Variants in GNG12 observed in about 807,000 individuals in gnomAD.
GNG12 encodes the protein G protein subunit gamma 12, also known as guanine nucleotide-binding protein G(I)/G(S)/G(O) subunit gamma-12.
For synonymous variants in GNG12, 28 were observed against 29.7 expected, an observed-to-expected ratio of 0.94 and a Z score of 0.19; for missense variants, 69 against 83.8, an observed-to-expected ratio of 0.82 and a Z score of 0.69.
intron 1 of GNG12, among the ~76,000 whole-genome samples, chr1:67,783,908 C>A (rs1046259430): frequency 6.0e-5 from 9 of 149,678 alleles, no homozygotes; most frequent in Admixed American, 6.0e-4. Context: ...GTCAGTGTGG[C>A]GATTCCTCAG....
intron 2 of GNG12, among the ~76,000 whole-genome samples, chr1:67,725,515 A>G (rs536312233): frequency 4.6e-5 from 7 of 152,314 alleles, no homozygotes; most frequent in African/African-American, 1.4e-4. Flanking sequence ...CTAAATGTTT[A>G]TATATTTTCA....
chr1:67,783,959 T>C (rs963071593), intron 1 of GNG12, among the ~76,000 whole-genome samples: 3 of 150,782 alleles, frequency 2.0e-5, no homozygotes, highest in African/African-American at 7.3e-5. Flanking sequence ...AGCCATCCCA[T>C]TACTGGGTAT....
rs535969984 is a variant in GNG12 at position 67,726,095 on chromosome 1, C to T, written c.-26-18383G>A. Among the ~76,000 whole-genome samples, 9 of 152,312 alleles carry T rather than the reference C, an allele frequency of 5.9e-5. No individual in the cohort carries two copies. The East Asian group carries it at 7.7e-4, about 13-fold the overall frequency. Reference sequence around the variant, plus strand: ...TGTAATCCCCCTAAAAGAACTTCCACGGCTAATTTCAGCCTCAGGTTTCTT... The same window carrying T: ...TGTAATCCCCCTAAAAGAACTTCCATGGCTAATTTCAGCCTCAGGTTTCTT... On this transcript the variant is annotated intron_variant, in intron 2 of 3. Transcript: ENST00000370982.
chr1:67,701,701 A>C lies in GNG12; in HGVS notation c.*3750T>G, dbSNP rs1193617069. 6.5e-6 allele frequency: 1 copy of C among 152,684 alleles called. No individual in the cohort carries two copies. The highest frequency in any genetic ancestry group is 1.5e-5 in the Non-Finnish European group (1 of 68,048). The allele number at this position is 152,684 out of a possible 1,614,324, so 9.5% of individuals were successfully genotyped here. ...CAGATGCGTAGCCAAAGAATATTACATAACAACAAAATCTCATCAATGATA... is the reference window on the plus strand; with the variant it reads ...CAGATGCGTAGCCAAAGAATATTACCTAACAACAAAATCTCATCAATGATA... On this transcript the variant is annotated 3_prime_UTR_variant, in exon 4 of 4. Coordinates refer to ENST00000370982, the MANE Select transcript of GNG12 (RefSeq NM_018841.6).
intron 2 of GNG12, among the ~76,000 whole-genome samples, chr1:67,767,475 C>A (rs1209867526): frequency 6.6e-6 from 1 of 152,212 alleles, no homozygotes. Context: ...TCTCAGTAAC[C>A]AGTTTGGGTC....
chr1:67,754,328 T>G (rs1437625633), intron 2 of GNG12, among the ~76,000 whole-genome samples: 1 of 152,082 alleles, frequency 6.6e-6, no homozygotes, highest in African/African-American at 2.4e-5. Context: ...CTCCGCCTAT[T>G]GTTGTGGTCT....
At chr1:67,734,994 C>T (rs1646444102) in intron 2 of GNG12, among the ~76,000 whole-genome samples, 2 of 152,120 alleles carry the variant, frequency 1.3e-5, no homozygotes, top group Admixed American at 6.5e-5. Flanking sequence ...GCTGGGATTA[C>T]AGGCATGCAT....
chr1:67,738,778 TG>T (rs1298041469), intron 2 of GNG12, among the ~76,000 whole-genome samples: 2 of 152,208 alleles, frequency 1.3e-5, no homozygotes, highest in African/African-American at 4.8e-5. Context: ...CTCCTGAAGC[TG>T]GGGGCATGAG....
At chr1:67,745,474 C>T (rs1404578645) in intron 2 of GNG12, among the ~76,000 whole-genome samples, 1 of 152,142 alleles carries the variant, frequency 6.6e-6, no homozygotes, top group Non-Finnish European at 1.5e-5. Flanking sequence ...AGGAAAGTGC[C>T]CAGAAATGGC....
intron 1 of GNG12, among the ~76,000 whole-genome samples, chr1:67,797,988 A>G (rs1302136951): frequency 6.6e-6 from 1 of 152,148 alleles, no homozygotes; most frequent in African/African-American, 2.4e-5. Context: ...CATCCTACTA[A>G]TTAAACTAGC....
intron 1 of GNG12, among the ~76,000 whole-genome samples, chr1:67,828,997 G>A (rs754673652): frequency 1.1e-4 from 17 of 152,038 alleles, no homozygotes; most frequent in African/African-American, 3.4e-4. Context: ...TAACTATTAC[G>A]CAAATTTTTT....
intron 1 of GNG12, among the ~76,000 whole-genome samples, chr1:67,787,216 T>C (rs968118192): frequency 4.0e-5 from 6 of 151,764 alleles, no homozygotes; most frequent in African/African-American, 1.5e-4. Context: ...GGAATGATCA[T>C]AGAAGGCTTC....
chr1:67,785,447 CT>C (rs1244004877), intron 1 of GNG12, among the ~76,000 whole-genome samples: 2 of 152,054 alleles, frequency 1.3e-5, no homozygotes, highest in African/African-American at 4.8e-5. Context: ...TTTCTACAAC[CT>C]TTTCTACCTC....
At chr1:67,810,943 TA>T (rs1646921612) in intron 1 of GNG12, among the ~76,000 whole-genome samples, 1 of 152,232 alleles carries the variant, frequency 6.6e-6, no homozygotes, top group Non-Finnish European at 1.5e-5. Flanking sequence ...TAGTTAGTGT[TA>T]ACATTTCTGT....
At chr1:67,731,567 A>G (rs17130228) in intron 2 of GNG12, among the ~76,000 whole-genome samples, 15,325 of 152,248 alleles carry the variant, frequency 0.1, 882 homozygotes, top group African/African-American at 0.16. Flanking sequence ...TGTGAAAGCC[A>G]TGAGCATGTG....
chr1:67,718,550 A>T (rs776943136), intron 2 of GNG12, among the ~76,000 whole-genome samples: 2 of 151,992 alleles, frequency 1.3e-5, no homozygotes, highest in African/African-American at 2.4e-5. Context: ...GAAACTCTGG[A>T]CTCTGAAAAT....
intron 1 of GNG12, among the ~76,000 whole-genome samples, chr1:67,798,708 C>T (rs1646846456): frequency 6.6e-6 from 1 of 152,224 alleles, no homozygotes; most frequent in Middle Eastern, 3.4e-3. Context: ...GTAATCCCAG[C>T]ACTTCGGTTG....
chr1:67,718,537 C>A (rs1009108069), intron 2 of GNG12, among the ~76,000 whole-genome samples: 1 of 152,126 alleles, frequency 6.6e-6, no homozygotes, highest in African/African-American at 2.4e-5. Context: ...GACAGTGTGA[C>A]CTGAAACTCT....
At chr1:67,707,401 C>T (rs968337191) in intron 3 of GNG12, among the ~76,000 whole-genome samples, 193 bp downstream of exon 3, 20 of 152,180 alleles carry the variant, frequency 1.3e-4, no homozygotes, top group African/African-American at 4.6e-4. Context: ...GAGGCTAATG[C>T]AGACACTTTT....
Sources: gnomAD v4.1 joint callset for allele counts (sites outside exome capture counted in the v4.1 genomes callset) on GRCh38, gnomAD v4.1.1 for gene constraint, MANE v1.5 for transcripts, NCBI Gene and HGNC (gene_info 2026-07-23, HGNC 2026-07-21) for gene names.